The following HEMK2 variants were observed in gnomAD, a reference collection of about 807,000 sequenced individuals.
HEMK2 encodes HemK methyltransferase 2, ETF1 glutamine and histone H4 lysine.
At chr21:28,831,627 GAAGGAAGGAAA>G in the HEMK2 span, among the ~76,000 whole-genome samples, 6 of 63,928 alleles carry the variant, frequency 9.4e-5, no homozygotes, top group Admixed American at 1.7e-4. Context: ...AAGAAGGAAA[GAAGGAAGGAAA>G]GAAAGAAAGA....
chr21:28,611,928 A>G, the HEMK2 span, among the ~76,000 whole-genome samples: 1 of 151,696 alleles, frequency 6.6e-6, no homozygotes, highest in Non-Finnish European at 1.5e-5. Context: ...AAAAAAAAAA[A>G]AAAAGTTACC....
chr21:28,654,448 CT>C, the HEMK2 span, among the ~76,000 whole-genome samples: 7 of 151,920 alleles, frequency 4.6e-5, no homozygotes, highest in Admixed American at 4.6e-4. Flanking sequence ...CAAGTAGTAT[CT>C]TTTTTTGGTG....
chr21:28,776,507 T>C, the HEMK2 span, among the ~76,000 whole-genome samples: 3 of 152,188 alleles, frequency 2.0e-5, no homozygotes, highest in African/African-American at 7.2e-5. Context: ...CATGGGTCTC[T>C]AGAGGAACAG....
the HEMK2 span, among the ~76,000 whole-genome samples, chr21:28,649,609 T>C: frequency 6.6e-6 from 1 of 152,204 alleles, no homozygotes; most frequent in African/African-American, 2.4e-5. Context: ...ATAAATGTTA[T>C]GCTGGGATAC....
At chr21:28,791,907 A>G in the HEMK2 span, among the ~76,000 whole-genome samples, 3 of 152,192 alleles carry the variant, frequency 2.0e-5, no homozygotes, top group Non-Finnish European at 4.4e-5. Flanking sequence ...GATACAGGTC[A>G]TAAAGACCTT....
the HEMK2 span, among the ~76,000 whole-genome samples, chr21:28,655,589 A>C: frequency 6.6e-6 from 1 of 152,160 alleles, no homozygotes; most frequent in East Asian, 1.9e-4. Context: ...CCAGGTATTT[A>C]AACCACTGTG....
the HEMK2 span, chr21:28,885,309 G>C: frequency 6.3e-7 from 1 of 1,588,148 alleles, no homozygotes; most frequent in South Asian, 1.1e-5. Context: ...CGGCCCACGT[G>C]CCCGTGGAAC....
chr21:28,681,714 T>G, the HEMK2 span, among the ~76,000 whole-genome samples: 5 of 151,808 alleles, frequency 3.3e-5, no homozygotes, highest in South Asian at 1.0e-3. Flanking sequence ...TATAGACCAA[T>G]GGAACAGAAC....
At chr21:28,671,755 T>C in the HEMK2 span, among the ~76,000 whole-genome samples, 12 of 152,200 alleles carry the variant, frequency 7.9e-5, no homozygotes, top group Admixed American at 6.5e-4. Context: ...ACTAGGAAGC[T>C]TGGCTTTTTT....
chr21:28,831,480 AAAGAAAGAAAG>A, the HEMK2 span, among the ~76,000 whole-genome samples: 2 of 52,662 alleles, frequency 3.8e-5, no homozygotes, highest in South Asian at 6.1e-4. Flanking sequence ...AGAAAGAAAG[AAAGAAAGAAAG>A]AAAGAAAGAA....
chr21:28,729,636 A>C, the HEMK2 span, among the ~76,000 whole-genome samples: 2 of 149,354 alleles, frequency 1.3e-5, no homozygotes, highest in Admixed American at 6.8e-5. Flanking sequence ...TGATAAGCAA[A>C]AAAAAAAAAA....
chr21:28,647,346 A>C, the HEMK2 span, among the ~76,000 whole-genome samples: 8 of 98,522 alleles, frequency 8.1e-5, no homozygotes, highest in East Asian at 4.5e-4. Context: ...AAAAAAAAAA[A>C]CATACAAAAA....
chr21:28,880,928 T>A, the HEMK2 span, among the ~76,000 whole-genome samples: 8 of 104,426 alleles, frequency 7.7e-5, no homozygotes, highest in Non-Finnish European at 8.6e-5. Context: ...ATCATTTATT[T>A]AAAAAAAAAA....
chr21:28,654,352 C>T, the HEMK2 span, among the ~76,000 whole-genome samples: 1 of 152,128 alleles, frequency 6.6e-6, no homozygotes, highest in Non-Finnish European at 1.5e-5. Flanking sequence ...CTACTAACAG[C>T]TTTCATGGTT....
At chr21:28,822,238 G>T in the HEMK2 span, among the ~76,000 whole-genome samples, 1 of 152,106 alleles carries the variant, frequency 6.6e-6, no homozygotes, top group Non-Finnish European at 1.5e-5. Context: ...CTGGGACAAA[G>T]AAAATAAAGT....
the HEMK2 span, among the ~76,000 whole-genome samples, chr21:28,839,000 T>TACACAC: frequency 1.7e-5 from 1 of 58,016 alleles, no homozygotes; most frequent in African/African-American, 6.7e-5. Flanking sequence ...TATATATATA[T>TACACAC]ACATATATAT....
chr21:28,750,555 G>C, the HEMK2 span, among the ~76,000 whole-genome samples: 2 of 152,122 alleles, frequency 1.3e-5, no homozygotes, highest in African/African-American at 4.8e-5. Context: ...ATAAAAACTA[G>C]CTGGATGTGG....
chr21:28,646,653 G>T, the HEMK2 span, among the ~76,000 whole-genome samples: 1 of 152,182 alleles, frequency 6.6e-6, no homozygotes, highest in African/African-American at 2.4e-5. Context: ...GGTGGCAGCT[G>T]GATTTGGAGA....
chr21:28,774,950 T>C, the HEMK2 span, among the ~76,000 whole-genome samples: 1 of 152,164 alleles, frequency 6.6e-6, no homozygotes, highest in Non-Finnish European at 1.5e-5. Flanking sequence ...GAGGAAAACC[T>C]GGCAGAAAAG....
Sources: allele counts gnomAD v4.1 joint callset (sites outside exome capture counted in the v4.1 genomes callset), GRCh38; gene constraint gnomAD v4.1.1; transcripts MANE v1.5; gene names NCBI Gene and HGNC (gene_info 2026-07-23, HGNC 2026-07-21).